PMFBP1: variants seen among roughly 807,000 people sequenced by gnomAD.
PMFBP1 encodes polyamine-modulated factor 1-binding protein 1.
In PMFBP1, 131 loss-of-function variants were observed where a neutral mutation model predicts 137.8. The observed-to-expected ratio is 0.95, with a 90% CI of 0.82 to 1.10. The LOEUF is 1.10. PMFBP1 is among the 50% of genes least tolerant of loss of function. The pLI is 0.00. For missense variants in PMFBP1, 1,199 were observed against 1,175.4 expected (o/e 1.02, Z -0.29); for synonymous variants, 490 against 450.4 (o/e 1.09, Z -1.11).
chr16:72,234,050 A>G, the PMFBP1 span, among the ~76,000 whole-genome samples: 1 of 152,164 alleles, frequency 6.6e-6, no homozygotes, highest in East Asian at 1.9e-4. Flanking sequence ...TTCCTGTGCA[A>G]GTTCTTGTGT....
intron 10 of PMFBP1, among the ~76,000 whole-genome samples, chr16:72,132,264 A>G (rs952292164): frequency 1.3e-5 from 2 of 152,210 alleles, no homozygotes; most frequent in African/African-American, 4.8e-5. Flanking sequence ...CCTGTACCCA[A>G]GGAAGAAGCT....
chr16:72,224,165 T>C, the PMFBP1 span, among the ~76,000 whole-genome samples: 3 of 152,214 alleles, frequency 2.0e-5, no homozygotes, highest in Admixed American at 6.5e-5. Context: ...AACTCTGTCC[T>C]CTCCTTGGCC....
chr16:72,127,845 C>A (rs954533079), intron 14 of PMFBP1, among the ~76,000 whole-genome samples: 5 of 152,152 alleles, frequency 3.3e-5, no homozygotes, highest in Non-Finnish European at 2.9e-5. Flanking sequence ...CTGGGCAGTG[C>A]TATTTTTATA....
chr16:72,167,790 A>G (rs994207139), intron 2 of PMFBP1, among the ~76,000 whole-genome samples: 1 of 152,222 alleles, frequency 6.6e-6, no homozygotes, highest in Non-Finnish European at 1.5e-5. Context: ...GGTGCTGAAT[A>G]TACGTGTCTT....
At chr16:72,223,685 C>T in the PMFBP1 span, among the ~76,000 whole-genome samples, 2 of 152,126 alleles carry the variant, frequency 1.3e-5, no homozygotes, top group Non-Finnish European at 2.9e-5. Context: ...GAGTAGAGTA[C>T]CCTGAACAGG....
chr16:72,246,503 C>T, the PMFBP1 span, among the ~76,000 whole-genome samples: 20 of 152,072 alleles, frequency 1.3e-4, no homozygotes, highest in African/African-American at 3.6e-4. Context: ...GTATTTCGTG[C>T]CTTAATGTCC....
intron 14 of PMFBP1, among the ~76,000 whole-genome samples, chr16:72,126,445 A>G (rs1238403327): frequency 1.3e-5 from 2 of 152,238 alleles, no homozygotes; most frequent in African/African-American, 4.8e-5. Context: ...AGCCTTTGAT[A>G]AAGACCTGGA....
chr16:72,147,797 A>G (rs1420503877), intron 5 of PMFBP1, among the ~76,000 whole-genome samples: 1 of 152,244 alleles, frequency 6.6e-6, no homozygotes, highest in Non-Finnish European at 1.5e-5. Flanking sequence ...TCATTAGAGA[A>G]GTGCAAGTCA....
At chr16:72,191,290 T>C in the PMFBP1 span, among the ~76,000 whole-genome samples, 16 of 152,250 alleles carry the variant, frequency 1.1e-4, no homozygotes, top group Non-Finnish European at 2.9e-5. Flanking sequence ...ATTTTACTAG[T>C]GTCTTGCCTA....
At chr16:72,129,859 T>G (rs550762336) in intron 12 of PMFBP1, among the ~76,000 whole-genome samples, 1 of 152,252 alleles carries the variant, frequency 6.6e-6, no homozygotes, top group Admixed American at 6.5e-5. Context: ...TCTTTTTCTT[T>G]TTTTTGAGAC....
chr16:72,129,066 C>G lies in PMFBP1; in HGVS notation c.1950G>C (p.Thr650=). The change falls in exon 13 of 21, where the codon ACG becomes ACC. Residue 650 remains threonine (T), a splice_region_variant and synonymous_variant. Transcript: ENST00000237353. ...LRQEFKKKDK[T]LKENSRKLEE... ...GCTCTCCTGGGATTCTCCCACTCAC[C>G]GTCTTGTCTTTCTTTTTAAATTCCT... 1 of 1,613,262 alleles carries G rather than the reference C, an allele frequency of 6.2e-7. No homozygotes were observed. Among genetic ancestry groups the G allele is most frequent in the South Asian group, 1.1e-5 (1 of 90,896 alleles).
At chr16:72,191,703 G>A in the PMFBP1 span, among the ~76,000 whole-genome samples, 5 of 152,038 alleles carry the variant, frequency 3.3e-5, no homozygotes, top group Admixed American at 3.3e-4. Flanking sequence ...TCCATTCCTG[G>A]TTCTCCAGCA....
At chr16:72,211,814 G>C in the PMFBP1 span, among the ~76,000 whole-genome samples, 1 of 152,070 alleles carries the variant, frequency 6.6e-6, no homozygotes, top group African/African-American at 2.4e-5. Flanking sequence ...AGGCAATGTG[G>C]TGAAACCTTG....
At chr16:72,205,773 C>G in the PMFBP1 span, among the ~76,000 whole-genome samples, 412 of 152,274 alleles carry the variant, frequency 2.7e-3, 2 homozygotes, top group African/African-American at 9.6e-3. Context: ...CTTTGGTCCA[C>G]TCTGCTGCAC....
the PMFBP1 span, among the ~76,000 whole-genome samples, chr16:72,227,659 G>A: frequency 1.1e-4 from 17 of 152,252 alleles, no homozygotes; most frequent in East Asian, 3.1e-3. Context: ...GAGGCAGAAT[G>A]GTATGCCCTT....
chr16:72,118,388 G>A (rs1213254092), downstream of PMFBP1, among the ~76,000 whole-genome samples: 7 of 152,168 alleles, frequency 4.6e-5, no homozygotes, highest in African/African-American at 1.4e-4. Context: ...AGTTCTGTCA[G>A]GGGCATCCTA....
At chr16:72,160,830 T>A (rs1456644048) in intron 3 of PMFBP1, among the ~76,000 whole-genome samples, 2 of 152,198 alleles carry the variant, frequency 1.3e-5, no homozygotes, top group African/African-American at 4.8e-5. Flanking sequence ...TCTATTAAAT[T>A]TGTGATATGT....
At chr16:72,156,863 A>G (rs2042988451) in intron 3 of PMFBP1, among the ~76,000 whole-genome samples, 1 of 152,034 alleles carries the variant, frequency 6.6e-6, no homozygotes, top group African/African-American at 2.4e-5. Flanking sequence ...CAAGCACTAC[A>G]CTACGTAATG....
chr16:72,156,866 A>G (rs560917341), intron 3 of PMFBP1, among the ~76,000 whole-genome samples: 2 of 152,132 alleles, frequency 1.3e-5, no homozygotes, highest in African/African-American at 4.8e-5. Context: ...GCACTACACT[A>G]CGTAATGGGG....
Sources: allele counts gnomAD v4.1 joint callset (sites outside exome capture counted in the v4.1 genomes callset), GRCh38; gene constraint gnomAD v4.1.1; transcripts MANE v1.5; gene names NCBI Gene and HGNC (gene_info 2026-07-23, HGNC 2026-07-21).